The following AMPH variants were observed in gnomAD, a reference collection of about 807,000 sequenced individuals.
AMPH encodes amphiphysin, also known as amphiphysin (Stiff-Mann syndrome with breast cancer 128kD autoantigen).
A neutral mutation model predicts 99.1 loss-of-function variants in AMPH; 49 were observed. That is an observed-to-expected ratio of 0.49 (90% CI 0.39 to 0.63). The LOEUF is 0.63. Ranked by LOEUF, AMPH falls within the 20% of genes least tolerant of loss-of-function variation. AMPH has a pLI of 0.00. For missense variants in AMPH, 759 were observed against 863.4 expected (o/e 0.88, Z 1.52); for synonymous variants, 314 against 317.3 (o/e 0.99, Z 0.11).
At chr7:38,595,753 C>T (rs543983427) in intron 1 of AMPH, among the ~76,000 whole-genome samples, 89 of 152,310 alleles carry the variant, frequency 5.8e-4, no homozygotes, top group African/African-American at 2.1e-3. Flanking sequence ...GCGTCTACTG[C>T]TCCCATCTTC....
intron 15 of AMPH, 53 bp from the exon 16 acceptor site, chr7:38,422,530 C>T (rs2128989234): frequency 7.2e-7 from 1 of 1,395,342 alleles, no homozygotes; most frequent in East Asian, 2.3e-5. Context: ...TTTAAATCAG[C>T]TACCATCAAT....
intron 1 of AMPH, among the ~76,000 whole-genome samples, chr7:38,566,002 C>G (rs73692776): frequency 6.6e-6 from 1 of 152,140 alleles, no homozygotes; most frequent in East Asian, 1.9e-4. Context: ...AAAATATTAA[C>G]AGGGACCACC....
intron 7 of AMPH, among the ~76,000 whole-genome samples, chr7:38,468,818 C>T (rs1412658799): frequency 1.3e-5 from 2 of 152,102 alleles, no homozygotes; most frequent in African/African-American, 2.4e-5. Context: ...GAGCATATTC[C>T]GATGTGACCC....
intron 2 of AMPH, among the ~76,000 whole-genome samples, chr7:38,529,540 T>A (rs1181390079): frequency 6.6e-6 from 1 of 152,194 alleles, no homozygotes; most frequent in East Asian, 1.9e-4. Context: ...AGCTAATGTT[T>A]GAAAAACACT....
chr7:38,499,926 C>T (rs1404568453), intron 3 of AMPH, among the ~76,000 whole-genome samples: 2 of 152,176 alleles, frequency 1.3e-5, no homozygotes, highest in Admixed American at 1.3e-4. Flanking sequence ...TGCTGCCACG[C>T]AAGACATGCC....
chr7:38,606,129 A>G (rs1793426435), intron 1 of AMPH, among the ~76,000 whole-genome samples: 1 of 152,190 alleles, frequency 6.6e-6, no homozygotes, highest in Admixed American at 6.5e-5. Context: ...AGGTCAGTAC[A>G]AGCCCAGTCC....
intron 3 of AMPH, among the ~76,000 whole-genome samples, chr7:38,501,997 C>CT (rs1266908117): frequency 1.3e-5 from 2 of 152,030 alleles, no homozygotes; most frequent in African/African-American, 4.8e-5. Flanking sequence ...GAGGATAAGG[C>CT]TTTTTTGCGT....
intron 1 of AMPH, among the ~76,000 whole-genome samples, chr7:38,582,432 C>T (rs779364853): frequency 7.9e-5 from 12 of 152,182 alleles, no homozygotes; most frequent in Non-Finnish European, 1.6e-4. Context: ...TGTCCAGGCA[C>T]CCCTGAGGGG....
intron 1 of AMPH, among the ~76,000 whole-genome samples, chr7:38,551,159 C>A (rs535896650): frequency 6.6e-6 from 1 of 152,256 alleles, no homozygotes; most frequent in Non-Finnish European, 1.5e-5. Context: ...AGATTACAAG[C>A]AGGGGATTTT....
At chr7:38,631,211 C>G in intron 1 of AMPH, 72 bp downstream of exon 1, 1 of 1,410,752 alleles carries the variant, frequency 7.1e-7, no homozygotes, top group South Asian at 1.4e-5. Context: ...CCCCGCACAG[C>G]TGCAGCCGGT....
intron 17 of AMPH, among the ~76,000 whole-genome samples, chr7:38,399,000 C>T (rs968928458): frequency 2.0e-5 from 3 of 152,030 alleles, no homozygotes; most frequent in East Asian, 3.9e-4. Flanking sequence ...ATTTTTGTCA[C>T]ATAAAAAAGA....
At chr7:38,494,328 T>C (rs1050256130) in intron 4 of AMPH, 105 bp downstream of exon 4, 2 of 949,466 alleles carry the variant, frequency 2.1e-6, no homozygotes, top group Non-Finnish European at 3.4e-6. Flanking sequence ...CTGAGCACAC[T>C]GTCTTGCCTC....
rs1024235350 is a variant in AMPH at position 38,616,309 on chromosome 7, C to T, written c.69+14974G>A. On this transcript the variant is annotated intron_variant, in intron 1 of 20. Coordinates refer to ENST00000356264, the MANE Select transcript of AMPH (RefSeq NM_001635.4). Reference sequence around the variant, plus strand: ...AACAAATATGAGTCCCATGGGGATGCAGGAGTGAAAAAAATACAACTCAGC... The same window carrying T: ...AACAAATATGAGTCCCATGGGGATGTAGGAGTGAAAAAAATACAACTCAGC... Among the ~76,000 whole-genome samples, 3 of 151,986 alleles carry T rather than the reference C, an allele frequency of 2.0e-5. No individual in the cohort carries two copies. In the East Asian group the frequency reaches 5.8e-4, roughly 29 times the overall value.
At chr7:38,567,469 T>C (rs1362486345) in intron 1 of AMPH, among the ~76,000 whole-genome samples, 3 of 152,174 alleles carry the variant, frequency 2.0e-5, no homozygotes, top group African/African-American at 7.2e-5. Context: ...CAAACCAACG[T>C]GGCACATATA....
rs763464762 is a variant in AMPH, at chr7:38,393,967, TC to T, written c.1608+37del. 5.6e-6 allele frequency: 9 copies of T among 1,604,940 alleles called. No homozygotes were observed. The African/African-American group carries it at 1.2e-4, about 21-fold the overall frequency. On this transcript the variant is annotated intron_variant, in intron 18 of 20. Coordinates refer to ENST00000356264, the MANE Select transcript of AMPH (RefSeq NM_001635.4). ...AACAGAGCACCCAGCCCATGCTACT[TC>T]CCAGGAGCTCCCCTGGCTGCGACAT...
intron 5 of AMPH, among the ~76,000 whole-genome samples, chr7:38,484,514 A>G (rs533746958): frequency 4.6e-5 from 7 of 152,230 alleles, no homozygotes; most frequent in Non-Finnish European, 7.4e-5. Context: ...GCATTCTTAA[A>G]GAAGAGATAA....
At position 38,569,871 on chromosome 7, in the gene AMPH, T is replaced by G. The variant is rs115818413; in HGVS notation, c.70-34860A>C. 4.7e-3 allele frequency among the ~76,000 whole-genome samples: 715 copies of G among 152,286 alleles called. 10 individuals are homozygous for G. Among genetic ancestry groups the G allele is most frequent in the African/African-American group, 0.016 (666 of 41,558 alleles). Reference sequence around the variant, plus strand: ...CTTATTAACATAGAAATGGAAGCAATTTTCATAAAAACAGAAAACCAAAAT... The same window carrying G: ...CTTATTAACATAGAAATGGAAGCAAGTTTCATAAAAACAGAAAACCAAAAT... On this transcript the variant is annotated intron_variant, in intron 1 of 20. Coordinates refer to ENST00000356264, the MANE Select transcript of AMPH (RefSeq NM_001635.4).
chr7:38,428,232 G>A (rs1445434663), intron 14 of AMPH: 2 of 456,672 alleles, frequency 4.4e-6, no homozygotes, highest in Non-Finnish European at 8.8e-6. Context: ...ATTATTCATT[G>A]CTGAATCCAA....
chr7:38,539,823 A>G (rs1281906384), intron 1 of AMPH, among the ~76,000 whole-genome samples: 1 of 152,220 alleles, frequency 6.6e-6, no homozygotes, highest in Non-Finnish European at 1.5e-5. Context: ...CCTACATGTA[A>G]GCAGTTTTGT....
Sources: gnomAD v4.1 joint callset for allele counts (sites outside exome capture counted in the v4.1 genomes callset) on GRCh38, gnomAD v4.1.1 for gene constraint, MANE v1.5 for transcripts, NCBI Gene and HGNC (gene_info 2026-07-23, HGNC 2026-07-21) for gene names.